CDIN1: variants seen among roughly 807,000 people sequenced by gnomAD.
The protein encoded by CDIN1 is CDAN1 interacting nuclease 1, also known as CDAN1-interacting nuclease 1.
In CDIN1, 33 loss-of-function variants were observed where a neutral mutation model predicts 45.3. That is an observed-to-expected ratio of 0.73 (90% CI 0.55 to 0.97). The LOEUF (loss-of-function observed/expected upper bound fraction) is 0.97. Among genes scored for constraint, CDIN1 ranks in the 50% least tolerant of loss-of-function variants. The probability of loss-of-function intolerance (pLI) is 0.00; values close to 1 mark genes in which losing one functional copy is unlikely to be tolerated. For synonymous variants in CDIN1, 118 were observed against 124.4 expected, an observed-to-expected ratio of 0.95 and a Z score of 0.34; for missense variants, 303 against 339.4, an observed-to-expected ratio of 0.89 and a Z score of 0.84.
chr15:36,738,943 T>A (rs1191034298), intron 10 of CDIN1, among the ~76,000 whole-genome samples: 1 of 152,276 alleles, frequency 6.6e-6, no homozygotes, highest in African/African-American at 2.4e-5. Flanking sequence ...AATGTATTTT[T>A]AAAATGTAAA....
In CDIN1 at chr15:36,770,427, C is replaced by CTGATGA. The variant is rs375075866; in HGVS notation, c.717-37886_717-37881dup. Reference sequence around the variant, plus strand: ...ACTTCTTAAAAAACACAATCTCTTTCTGATGATGATGATGATTATTATTAT... The same window carrying CTGATGA: ...ACTTCTTAAAAAACACAATCTCTTTCTGATGATGATGATGATGATGATTATTATTAT... On this transcript the variant is annotated intron_variant, in intron 10 of 10. Coordinates refer to ENST00000566621, the MANE Select transcript of CDIN1 (RefSeq NM_001321759.2). Among the ~76,000 whole-genome samples the CTGATGA allele has an allele frequency of 4.1e-3, 623 of 151,090 alleles. 6 individuals carry two copies. Among genetic ancestry groups the CTGATGA allele is most frequent in the African/African-American group, 0.014 (587 of 40,898 alleles).
intron 8 of CDIN1, among the ~76,000 whole-genome samples, chr15:36,703,045 C>T (rs1474914424): frequency 4.0e-5 from 6 of 150,070 alleles, no homozygotes; most frequent in African/African-American, 1.2e-4. Flanking sequence ...ACTCCCCCAA[C>T]GTCCACTCTA....
intron 3 of CDIN1, among the ~76,000 whole-genome samples, chr15:36,648,231 A>G (rs1024134404): frequency 7.9e-5 from 12 of 152,186 alleles, no homozygotes; most frequent in Admixed American, 6.5e-4. Flanking sequence ...TTGTCAGCCC[A>G]TTTTTATATT....
chr15:36,584,714 T>C (rs752897712), intron 1 of CDIN1, among the ~76,000 whole-genome samples: 3 of 152,058 alleles, frequency 2.0e-5, no homozygotes, highest in Non-Finnish European at 4.4e-5. Context: ...CCATACTCAC[T>C]CACACTGGGG....
intron 10 of CDIN1, among the ~76,000 whole-genome samples, chr15:36,756,831 G>A (rs1307472675): frequency 6.6e-6 from 1 of 152,128 alleles, no homozygotes; most frequent in Admixed American, 6.5e-5. Context: ...CATTACTCAT[G>A]ATGGCTTTTC....
intron 1 of CDIN1, among the ~76,000 whole-genome samples, chr15:36,625,259 C>T (rs530895595): frequency 4.0e-5 from 6 of 149,998 alleles, no homozygotes; most frequent in South Asian, 2.1e-4. Context: ...CCAGCCTGGA[C>T]GACAGAGCGA....
intron 10 of CDIN1, among the ~76,000 whole-genome samples, chr15:36,740,914 C>G (rs1470764870): frequency 6.6e-6 from 1 of 151,712 alleles, no homozygotes; most frequent in Non-Finnish European, 1.5e-5. Context: ...ATTATGTTTG[C>G]TCTCCTGCAT....
intron 10 of CDIN1, among the ~76,000 whole-genome samples, chr15:36,795,139 A>C (rs1428997876): frequency 6.6e-6 from 1 of 152,112 alleles, no homozygotes; most frequent in East Asian, 1.9e-4. Context: ...GAAGAGTGTG[A>C]GTTTAAGAGG....
chr15:36,751,158 GTTCT>G (rs1195770805), intron 10 of CDIN1, among the ~76,000 whole-genome samples: 4 of 145,984 alleles, frequency 2.7e-5, no homozygotes, highest in Admixed American at 6.9e-5. Context: ...TTAACTAAGT[GTTCT>G]TTATGTTTGC....
At chr15:36,608,017 C>T (rs1239351721) in intron 1 of CDIN1, among the ~76,000 whole-genome samples, 2 of 152,160 alleles carry the variant, frequency 1.3e-5, no homozygotes, top group African/African-American at 2.4e-5. Context: ...CGTGTTGTCT[C>T]ATTCTTTCTT....
chr15:36,674,047 A>G (rs2041551843), intron 5 of CDIN1, among the ~76,000 whole-genome samples: 1 of 152,136 alleles, frequency 6.6e-6, no homozygotes, highest in Non-Finnish European at 1.5e-5. Context: ...AAAGCCGTAT[A>G]TATTTCTCTT....
At chr15:36,751,520 C>T (rs947349132) in intron 10 of CDIN1, among the ~76,000 whole-genome samples, 4 of 151,236 alleles carry the variant, frequency 2.6e-5, no homozygotes, top group African/African-American at 7.3e-5. Context: ...ATGGTGAGAC[C>T]CCATCCCTAC....
At chr15:36,800,903 GTGTGTGTATATATA>G (rs1462402415) in intron 10 of CDIN1, among the ~76,000 whole-genome samples, 1 of 20,022 alleles carries the variant, frequency 5.0e-5, no homozygotes, top group East Asian at 2.3e-3. Context: ...GTGTGTGTGT[GTGTGTGTATATATA>G]TATATATATA....
intron 1 of CDIN1, among the ~76,000 whole-genome samples, chr15:36,608,018 A>T (rs755334127): frequency 1.3e-5 from 2 of 152,184 alleles, no homozygotes; most frequent in African/African-American, 4.8e-5. Context: ...GTGTTGTCTC[A>T]TTCTTTCTTA....
intron 10 of CDIN1, among the ~76,000 whole-genome samples, chr15:36,748,611 GA>G (rs2053364742): frequency 6.6e-6 from 1 of 151,780 alleles, no homozygotes; most frequent in Non-Finnish European, 1.5e-5. Context: ...TCAGATACTT[GA>G]GAAGTTAGCA....
intron 10 of CDIN1, among the ~76,000 whole-genome samples, chr15:36,777,101 A>AT (rs1296111383): frequency 6.6e-6 from 1 of 152,128 alleles, no homozygotes; most frequent in Non-Finnish European, 1.5e-5. Flanking sequence ...AGGGATTACC[A>AT]TTATCTTGGT....
chr15:36,648,299 T>C (rs2040425188), intron 3 of CDIN1, among the ~76,000 whole-genome samples: 1 of 152,178 alleles, frequency 6.6e-6, no homozygotes, highest in Non-Finnish European at 1.5e-5. Flanking sequence ...TGGAAAAATG[T>C]ATATGATATA....
chr15:36,622,288 G>T (rs556323840), intron 1 of CDIN1, among the ~76,000 whole-genome samples: 10 of 151,994 alleles, frequency 6.6e-5, no homozygotes, highest in Admixed American at 4.6e-4. Flanking sequence ...TTTTCTCATC[G>T]GGCTTGAGGG....
chr15:36,639,333 T>C (rs1238278545), intron 1 of CDIN1, among the ~76,000 whole-genome samples: 1 of 151,246 alleles, frequency 6.6e-6, no homozygotes, highest in Non-Finnish European at 1.5e-5. Flanking sequence ...AGGCCCAGCG[T>C]GGTGGCTCAC....
Sources: gnomAD v4.1 joint callset for allele counts (sites outside exome capture counted in the v4.1 genomes callset) on GRCh38, gnomAD v4.1.1 for gene constraint, MANE v1.5 for transcripts, NCBI Gene and HGNC (gene_info 2026-07-23, HGNC 2026-07-21) for gene names.